Variants in SGCZ observed in about 807,000 individuals in gnomAD.
SGCZ encodes the protein zeta-sarcoglycan.
In SGCZ, 40 loss-of-function variants were observed where a neutral mutation model predicts 41.3. That is an observed-to-expected ratio of 0.97 (90% CI 0.75 to 1.26). The LOEUF (loss-of-function observed/expected upper bound fraction) is 1.26. Among genes scored for constraint, SGCZ ranks in the 50% most tolerant of loss-of-function variants. The pLI is 0.00. For missense variants in SGCZ, 552 were observed against 369.8 expected, an observed-to-expected ratio of 1.49 and a Z score of -4.04; for synonymous variants, 206 against 137.5, an observed-to-expected ratio of 1.50 and a Z score of -3.49.
intron 5 of SGCZ, among the ~76,000 whole-genome samples, chr8:14,120,245 T>C (rs187669276): frequency 2.0e-5 from 3 of 152,238 alleles, no homozygotes; most frequent in East Asian, 1.9e-4. Flanking sequence ...ACCATAGTAA[T>C]TGACTGATGG....
At position 14,086,744 on chromosome 8, in the gene SGCZ, T is replaced by TA. The variant is rs1301361263; in HGVS notation, c.*3698dup. Among the ~76,000 whole-genome samples the TA allele has an allele frequency of 6.6e-6, 1 of 151,620 alleles. No individual in the cohort carries two copies. Among genetic ancestry groups the TA allele is most frequent in the Non-Finnish European group, 1.5e-5 (1 of 67,710 alleles). ...AATGTTAAGAGTGTAAAAGGGAGTA[T>TA]AAAAAAGAGCATAGGAAGTAGCGTG... On this transcript the variant is annotated 3_prime_UTR_variant, in exon 8 of 8. Coordinates refer to ENST00000382080, the MANE Select transcript of SGCZ (RefSeq NM_139167.4).
chr8:14,145,215 A>C (rs1360533720), intron 5 of SGCZ, among the ~76,000 whole-genome samples: 3 of 152,130 alleles, frequency 2.0e-5, no homozygotes, highest in Admixed American at 2.0e-4. Flanking sequence ...CTCTACCCCC[A>C]GCTTCAGGAC....
chr8:15,124,865 C>A (rs575878828), intron 1 of SGCZ, among the ~76,000 whole-genome samples: 1 of 151,910 alleles, frequency 6.6e-6, no homozygotes, highest in Admixed American at 6.6e-5. Context: ...TATGTATTTA[C>A]ATGAAAGATC....
At chr8:15,033,368 A>C (rs1803756093) in intron 1 of SGCZ, among the ~76,000 whole-genome samples, 1 of 150,472 alleles carries the variant, frequency 6.6e-6, no homozygotes, top group African/African-American at 2.4e-5. Flanking sequence ...AGCACAAATA[A>C]TCCCAGGCTC....
intron 2 of SGCZ, among the ~76,000 whole-genome samples, chr8:14,401,944 C>A (rs1214959489): frequency 4.0e-5 from 6 of 151,434 alleles, no homozygotes; most frequent in Admixed American, 3.9e-4. Flanking sequence ...ACCTCTCCAG[C>A]ACCTGTTGTT....
At chr8:14,689,065 T>G (rs1808714963) in intron 1 of SGCZ, among the ~76,000 whole-genome samples, 1 of 152,116 alleles carries the variant, frequency 6.6e-6, no homozygotes, top group Admixed American at 6.6e-5. Context: ...ATTGTTAAAA[T>G]TATTATAATA....
intron 1 of SGCZ, among the ~76,000 whole-genome samples, chr8:15,001,217 G>C (rs1022133700): frequency 6.6e-6 from 1 of 152,168 alleles, no homozygotes; most frequent in African/African-American, 2.4e-5. Context: ...GAGAGAGACT[G>C]CTAACGTGAG....
chr8:14,437,853 C>T (rs940754663), intron 2 of SGCZ, among the ~76,000 whole-genome samples: 1 of 151,736 alleles, frequency 6.6e-6, no homozygotes, highest in South Asian at 2.1e-4. Context: ...GGATTTGTGG[C>T]TTTTGTATAA....
intron 3 of SGCZ, among the ~76,000 whole-genome samples, chr8:14,291,674 C>T (rs533377501): frequency 0.017 from 1,148 of 69,408 alleles, 13 homozygotes; most frequent in African/African-American, 0.045. Flanking sequence ...ATTCTTTATT[C>T]GGAAACATAT....
chr8:14,219,776 T>C (rs530145461), intron 4 of SGCZ, among the ~76,000 whole-genome samples: 1 of 152,090 alleles, frequency 6.6e-6, no homozygotes, highest in African/African-American at 2.4e-5. Context: ...TGAATTGTGC[T>C]ATGAAGTTTT....
At chr8:15,048,070 A>T (rs2054064) in intron 1 of SGCZ, among the ~76,000 whole-genome samples, 15,088 of 152,080 alleles carry the variant, frequency 0.099, 988 homozygotes, top group Middle Eastern at 0.17. Flanking sequence ...AATAGCCAAG[A>T]TATGGAGTCA....
chr8:14,568,545 T>TG lies in SGCZ; in HGVS notation c.40-13620_40-13619insC, dbSNP rs1804454346. 2.0e-5 allele frequency among the ~76,000 whole-genome samples: 3 copies of TG among 152,310 alleles called. No homozygotes were observed. The South Asian group carries it at 6.2e-4, about 32-fold the overall frequency. Reference sequence around the variant, plus strand: ...CTTTTCTGTTGCTTTATGATTTTTTTTGTGTTAGCTCACCATAGGATTATA... The same window carrying TG: ...CTTTTCTGTTGCTTTATGATTTTTTTGTGTGTTAGCTCACCATAGGATTATA... On this transcript the variant is annotated intron_variant, in intron 1 of 7. Transcript: ENST00000382080.
chr8:14,973,224 G>A (rs1428668810), intron 1 of SGCZ, among the ~76,000 whole-genome samples: 5 of 152,034 alleles, frequency 3.3e-5, no homozygotes, highest in Admixed American at 1.3e-4. Flanking sequence ...CAAAAACCCA[G>A]GAGCCATCCC....
At chr8:14,816,945 A>C (rs988927023) in intron 1 of SGCZ, among the ~76,000 whole-genome samples, 33 of 152,224 alleles carry the variant, frequency 2.2e-4, no homozygotes, top group African/African-American at 7.5e-4. Context: ...TTACTTTTTA[A>C]TTAGACTGTG....
At chr8:14,706,446 G>T (rs1809334916) in intron 1 of SGCZ, among the ~76,000 whole-genome samples, 1 of 152,058 alleles carries the variant, frequency 6.6e-6, no homozygotes, top group African/African-American at 2.4e-5. Flanking sequence ...TATTTTCAGT[G>T]ACTCTATTCT....
At chr8:15,207,820 A>T (rs1049255490) in intron 1 of SGCZ, among the ~76,000 whole-genome samples, 1 of 152,182 alleles carries the variant, frequency 6.6e-6, no homozygotes, top group Non-Finnish European at 1.5e-5. Flanking sequence ...ATTCTGAAAT[A>T]ATCTGAATAA....
At chr8:15,012,671 T>C (rs1200878126) in intron 1 of SGCZ, among the ~76,000 whole-genome samples, 1 of 87,244 alleles carries the variant, frequency 1.1e-5, no homozygotes, top group African/African-American at 4.7e-5. Flanking sequence ...TATATATTTA[T>C]TATATATTTA....
At chr8:14,882,049 T>C (rs928058074) in intron 1 of SGCZ, among the ~76,000 whole-genome samples, 2 of 152,232 alleles carry the variant, frequency 1.3e-5, no homozygotes, top group Non-Finnish European at 2.9e-5. Context: ...ATAACATACC[T>C]GAATTTCTGG....
At chr8:15,211,392 C>A (rs974312930) in intron 1 of SGCZ, among the ~76,000 whole-genome samples, 3 of 151,912 alleles carry the variant, frequency 2.0e-5, no homozygotes, top group Admixed American at 6.6e-5. Flanking sequence ...GAAGTCTATT[C>A]TTTTTCTCAT....
Sources: gnomAD v4.1 joint callset for allele counts (sites outside exome capture counted in the v4.1 genomes callset) on GRCh38, gnomAD v4.1.1 for gene constraint, MANE v1.5 for transcripts, NCBI Gene and HGNC (gene_info 2026-07-23, HGNC 2026-07-21) for gene names.